NACC2: variants seen among roughly 807,000 people sequenced by gnomAD.
The protein encoded by NACC2 is NACC family member 2.
A neutral mutation model predicts 25.1 loss-of-function variants in NACC2; 8 were observed. That is an observed-to-expected ratio of 0.32 (90% confidence interval 0.19 to 0.57). NACC2 has a LOEUF of 0.57. Among genes scored for constraint, NACC2 ranks in the 20% least tolerant of loss-of-function variants. The pLI, the probability that NACC2 is intolerant of heterozygous loss-of-function variation, is 0.89. For missense variants in NACC2, 644 were observed against 650.2 expected (o/e 0.99, Z 0.10); for synonymous variants, 435 against 294.7 (o/e 1.48, Z -4.88).
At position 136,030,348 on chromosome 9, in the gene NACC2, G is replaced by A. The variant is rs555991480; in HGVS notation, c.887-13919C>T. ...CTGGAGGCCGGGCGCGGTGGCTCACGCCTGTAATCCCAGCACTTTGCGAGG... is the reference window on the plus strand; with the variant it reads ...CTGGAGGCCGGGCGCGGTGGCTCACACCTGTAATCCCAGCACTTTGCGAGG... On this transcript the variant is annotated intron_variant, in intron 2 of 5. Coordinates refer to ENST00000277554, the MANE Select transcript of NACC2 (RefSeq NM_144653.5). 5.9e-5 allele frequency among the ~76,000 whole-genome samples: 9 copies of A among 152,128 alleles called. No individual in the cohort carries two copies. The South Asian group carries it at 1.7e-3, about 28-fold the overall frequency.
chr9:136,032,378 C>G (rs750762560), intron 2 of NACC2, among the ~76,000 whole-genome samples: 5 of 150,498 alleles, frequency 3.3e-5, no homozygotes, highest in South Asian at 4.2e-4. Flanking sequence ...GCAACACTTA[C>G]GAGGAAAAAA....
chr9:136,094,549 G>C (rs1329318749), intron 1 of NACC2, among the ~76,000 whole-genome samples: 2 of 152,126 alleles, frequency 1.3e-5, no homozygotes, highest in Admixed American at 1.3e-4. Flanking sequence ...CAGCTCCGCA[G>C]AGGCACAGAA....
intron 2 of NACC2, among the ~76,000 whole-genome samples, chr9:136,045,776 T>C (rs1840713528): frequency 6.6e-6 from 1 of 152,152 alleles, no homozygotes; most frequent in African/African-American, 2.4e-5. Context: ...TGCTGTCATC[T>C]GCCCTGGGGT....
chr9:136,052,994 C>T (rs1356824040), intron 1 of NACC2, among the ~76,000 whole-genome samples: 1 of 152,252 alleles, frequency 6.6e-6, no homozygotes, highest in Non-Finnish European at 1.5e-5. Flanking sequence ...CTGCCACTGG[C>T]TGTGACCCCC....
chr9:136,027,370 A>G (rs997423604), intron 2 of NACC2, among the ~76,000 whole-genome samples: 1 of 152,240 alleles, frequency 6.6e-6, no homozygotes, highest in African/African-American at 2.4e-5. Flanking sequence ...GCTGTGGCCA[A>G]CACAAGATAA....
intron 2 of NACC2, among the ~76,000 whole-genome samples, chr9:136,034,825 G>A (rs1156884596): frequency 1.3e-5 from 2 of 152,186 alleles, no homozygotes; most frequent in African/African-American, 4.8e-5. Flanking sequence ...CAGGCACAGT[G>A]GCTCATGCCT....
intron 2 of NACC2, among the ~76,000 whole-genome samples, chr9:136,046,257 GACA>G (rs1840722873): frequency 6.6e-6 from 1 of 152,216 alleles, no homozygotes; most frequent in Non-Finnish European, 1.5e-5. Context: ...CAAGGCCCCT[GACA>G]ACGCCAGGCA....
chr9:136,044,558 C>A (rs1469805188), intron 2 of NACC2, among the ~76,000 whole-genome samples: 1 of 152,160 alleles, frequency 6.6e-6, no homozygotes, highest in Non-Finnish European at 1.5e-5. Flanking sequence ...GATGAAGGCA[C>A]CCTCTGCTCC....
In NACC2 at chr9:136,009,844, G is replaced by A. The variant is rs1377879153; in HGVS notation, c.*1672C>T. 1 of 54,904 alleles carries A rather than the reference G, an allele frequency of 1.8e-5. No individual in the cohort carries two copies. The highest frequency in any genetic ancestry group is 3.6e-5 in the Non-Finnish European group (1 of 28,040). The allele number at this position is 54,904 out of a possible 1,614,324, so 3.4% of individuals were successfully genotyped here. On this transcript the variant is annotated 3_prime_UTR_variant, in exon 6 of 6. Coordinates refer to ENST00000277554, the MANE Select transcript of NACC2 (RefSeq NM_144653.5). ...CTCACTGGCCTGTGTGCACACCGGA[G>A]GGGGTGCTGATGGGCGCAGGGCTGC... is the stretch of plus-strand genomic sequence containing the variant.
chr9:136,061,199 G>A (rs907331617), intron 1 of NACC2, among the ~76,000 whole-genome samples: 5 of 152,118 alleles, frequency 3.3e-5, no homozygotes, highest in East Asian at 1.9e-4. Context: ...GCCGGCTACC[G>A]GGGTCTCCCA....
intron 3 of NACC2, among the ~76,000 whole-genome samples, chr9:136,014,610 G>A (rs1424869663): frequency 6.6e-6 from 1 of 152,190 alleles, no homozygotes; most frequent in Non-Finnish European, 1.5e-5. Context: ...ACTCTGAAGG[G>A]CTGGCTGTGG....
intron 1 of NACC2, among the ~76,000 whole-genome samples, chr9:136,077,934 G>T (rs562668527): frequency 3.6e-4 from 55 of 152,244 alleles, no homozygotes; most frequent in South Asian, 1.9e-3. Flanking sequence ...TTTGTTTTGG[G>T]TTTTTTTGTA....
chr9:136,049,614 G>A (rs2131161835), intron 2 of NACC2, 22 bp downstream of exon 2: 3 of 765,636 alleles, frequency 3.9e-6, no homozygotes, highest in Admixed American at 3.4e-5. Flanking sequence ...AGGTGGTGTG[G>A]GGCTCCACCC....
At position 136,078,389 on chromosome 9, in the gene NACC2, C is replaced by T. The variant is rs572312571; in HGVS notation, c.-60+16800G>A. Among the ~76,000 whole-genome samples, 9 of 152,346 alleles carry T rather than the reference C, an allele frequency of 5.9e-5. No homozygotes were observed. The East Asian group carries it at 1.2e-3, about 20-fold the overall frequency. On this transcript the variant is annotated intron_variant, in intron 1 of 5. Coordinates refer to ENST00000277554, the MANE Select transcript of NACC2 (RefSeq NM_144653.5). ...CCAAATAATTCTGGCTCTCTCATTT[C>T]AGGAACTAAAGGCCCAGGCTTTTCC...
intron 2 of NACC2, among the ~76,000 whole-genome samples, chr9:136,032,669 G>A (rs995826207): frequency 1.3e-5 from 2 of 152,200 alleles, no homozygotes; most frequent in African/African-American, 4.8e-5. Flanking sequence ...GGCCAAGGCA[G>A]GCGGATCACT....
At chr9:136,045,727 C>G (rs1228539890) in intron 2 of NACC2, among the ~76,000 whole-genome samples, 1 of 152,150 alleles carries the variant, frequency 6.6e-6, no homozygotes, top group South Asian at 2.1e-4. Flanking sequence ...TGGGTGACAA[C>G]GGCCACCCCC....
At chr9:136,046,438 G>C (rs914727406) in intron 2 of NACC2, among the ~76,000 whole-genome samples, 3 of 152,240 alleles carry the variant, frequency 2.0e-5, no homozygotes, top group Non-Finnish European at 4.4e-5. Context: ...CACAGGGCCA[G>C]GAGGAAGGTC....
chr9:136,053,908 G>A (rs1486150115), intron 1 of NACC2, among the ~76,000 whole-genome samples: 1 of 152,338 alleles, frequency 6.6e-6, no homozygotes, highest in East Asian at 1.9e-4. Context: ...AAGGGACAAT[G>A]TAGGCTCTCA....
At chr9:136,040,338 C>G (rs1840609581) in intron 2 of NACC2, among the ~76,000 whole-genome samples, 1 of 143,554 alleles carries the variant, frequency 7.0e-6, no homozygotes, top group African/African-American at 2.6e-5. Context: ...GAGCAAGACT[C>G]CGTCTCAAAA....
Sources: allele counts gnomAD v4.1 joint callset (sites outside exome capture counted in the v4.1 genomes callset), GRCh38; gene constraint gnomAD v4.1.1; transcripts MANE v1.5; gene names NCBI Gene and HGNC (gene_info 2026-07-23, HGNC 2026-07-21).